COL24A1: variants seen among roughly 807,000 people sequenced by gnomAD.
COL24A1 encodes collagen type XXIV alpha 1 chain, also known as collagen alpha-1(XXIV) chain.
COL24A1 carries 224 observed loss-of-function variants against 253.9 expected under a neutral mutation model. That is an observed-to-expected ratio of 0.88 (90% CI 0.79 to 0.99). COL24A1 has a LOEUF of 0.99. Among genes scored for constraint, COL24A1 ranks in the 50% least tolerant of loss-of-function variants. The pLI, the probability that COL24A1 is intolerant of heterozygous loss-of-function variation, is 0.00. For missense variants in COL24A1, 2,131 were observed against 2,068.5 expected (o/e 1.03, Z -0.59); for synonymous variants, 685 against 673.7 (o/e 1.02, Z -0.26).
intron 14 of COL24A1, among the ~76,000 whole-genome samples, chr1:86,027,114 A>C (rs1284489644): frequency 1.3e-5 from 2 of 152,190 alleles, no homozygotes; most frequent in Non-Finnish European, 2.9e-5. Flanking sequence ...ATTCAGTTTT[A>C]TGCATTCACA....
intron 55 of COL24A1, among the ~76,000 whole-genome samples, chr1:85,760,967 T>A (rs1666790271): frequency 6.6e-6 from 1 of 152,144 alleles, no homozygotes; most frequent in Admixed American, 6.5e-5. Flanking sequence ...GTCTGATGGC[T>A]TCCAGAGTTA....
chr1:85,883,183 A>T (rs1231175416), intron 32 of COL24A1, among the ~76,000 whole-genome samples: 7 of 144,628 alleles, frequency 4.8e-5, no homozygotes, highest in African/African-American at 1.8e-4. Context: ...CTTCTTTTTA[A>T]TGTTTTTGGC....
At chr1:86,088,250 C>T (rs933670524) in intron 7 of COL24A1, among the ~76,000 whole-genome samples, 1 of 152,110 alleles carries the variant, frequency 6.6e-6, no homozygotes, top group Admixed American at 6.6e-5. Context: ...GGGGTTTGAA[C>T]GAAGCAACCA....
intron 25 of COL24A1, 111 bp from the exon 26 acceptor site, chr1:85,910,114 C>G: frequency 3.1e-6 from 2 of 641,596 alleles, no homozygotes; most frequent in Admixed American, 6.1e-5. Flanking sequence ...TACATGCATA[C>G]ATCATTTTTA....
At chr1:85,965,257 G>C (rs998818216) in intron 22 of COL24A1, among the ~76,000 whole-genome samples, 195 bp from the exon 23 acceptor site, 2 of 151,840 alleles carry the variant, frequency 1.3e-5, no homozygotes, top group Non-Finnish European at 2.9e-5. Flanking sequence ...TGCCATGAAC[G>C]GTTCTAGATG....
At chr1:85,863,256 C>A (rs1431704907) in intron 37 of COL24A1, among the ~76,000 whole-genome samples, 3 of 152,118 alleles carry the variant, frequency 2.0e-5, no homozygotes, top group Non-Finnish European at 4.4e-5. Context: ...ATCATGTCAT[C>A]CACAAACAGG....
At chr1:85,912,100 A>G (rs1277031760) in intron 24 of COL24A1, among the ~76,000 whole-genome samples, 1 of 152,216 alleles carries the variant, frequency 6.6e-6, no homozygotes, top group Non-Finnish European at 1.5e-5. Context: ...ACAGATGGTC[A>G]GGGAAGACTG....
In COL24A1 at chr1:86,156,677, C is replaced by T. The variant is rs1653672244; in HGVS notation, c.-281G>A. 3.4e-6 allele frequency: 1 copy of T among 297,778 alleles called. No homozygotes were observed. Among genetic ancestry groups the T allele is most frequent in the Middle Eastern group, 9.3e-4 (1 of 1,078 alleles). 18.4% of individuals were successfully genotyped at this position (297,778 alleles called of 1,614,324 possible). A position where few individuals can be genotyped will look rare whatever the true frequency, so the allele number is the denominator to read the frequency against. On this transcript the variant is annotated 5_prime_UTR_variant, in exon 1 of 60. The change creates a new upstream start codon in the 5' untranslated region. Transcript: ENST00000370571. ...AGGGCGGGCGAGGAGGTAAACCTCACTGGGAGGCCTCGGGGCGCCGGCGGC... is the reference window on the plus strand; with the variant it reads ...AGGGCGGGCGAGGAGGTAAACCTCATTGGGAGGCCTCGGGGCGCCGGCGGC...
At chr1:85,809,241 C>T (rs997236702) in intron 47 of COL24A1, among the ~76,000 whole-genome samples, 2 of 152,130 alleles carry the variant, frequency 1.3e-5, no homozygotes, top group African/African-American at 4.8e-5. Context: ...AGAAACTAAA[C>T]CTACATGTTA....
intron 19 of COL24A1, among the ~76,000 whole-genome samples, chr1:85,990,665 A>T (rs1381827931): frequency 6.6e-6 from 1 of 152,250 alleles, no homozygotes. Flanking sequence ...TATCAAAAGT[A>T]GAGTCATATT....
chr1:85,924,970 A>G (rs537885210), intron 24 of COL24A1, among the ~76,000 whole-genome samples: 2 of 152,374 alleles, frequency 1.3e-5, no homozygotes, highest in Non-Finnish European at 2.9e-5. Flanking sequence ...CAACTTCAGC[A>G]AAGTCTTAGG....
chr1:85,891,266 G>T (rs956582246), intron 31 of COL24A1, among the ~76,000 whole-genome samples: 3 of 142,844 alleles, frequency 2.1e-5, no homozygotes, highest in Non-Finnish European at 4.5e-5. Flanking sequence ...GAGTTTCACC[G>T]TGTTAACCAG....
intron 24 of COL24A1, among the ~76,000 whole-genome samples, chr1:85,913,068 G>A (rs1685529466): frequency 6.6e-6 from 1 of 151,992 alleles, no homozygotes; most frequent in African/African-American, 2.4e-5. Context: ...TATACTTTTA[G>A]GCACTATGCT....
intron 52 of COL24A1, among the ~76,000 whole-genome samples, chr1:85,776,577 T>C (rs1668566452): frequency 6.6e-6 from 1 of 152,022 alleles, no homozygotes; most frequent in Non-Finnish European, 1.5e-5. Flanking sequence ...CATGTCAATA[T>C]ACATTCTTTT....
At chr1:86,113,961 TG>T (rs1705875386) in intron 4 of COL24A1, among the ~76,000 whole-genome samples, 1 of 151,452 alleles carries the variant, frequency 6.6e-6, no homozygotes, top group Non-Finnish European at 1.5e-5. Flanking sequence ...TGGGGATTAA[TG>T]AATAAGTTGC....
At chr1:85,830,772 T>C (rs1159953254) in intron 43 of COL24A1, among the ~76,000 whole-genome samples, 2 of 152,172 alleles carry the variant, frequency 1.3e-5, no homozygotes, top group South Asian at 2.1e-4. Flanking sequence ...TGCCTTGCCC[T>C]GCTTCGGCTC....
At chr1:85,885,015 C>T (rs1009572995) in intron 32 of COL24A1, among the ~76,000 whole-genome samples, 33 of 152,146 alleles carry the variant, frequency 2.2e-4, no homozygotes, top group African/African-American at 7.7e-4. Context: ...CCTACTGTCC[C>T]GGTGTGGGCT....
intron 20 of COL24A1, among the ~76,000 whole-genome samples, chr1:85,975,614 G>A (rs1692596533): frequency 6.6e-6 from 1 of 152,156 alleles, no homozygotes; most frequent in African/African-American, 2.4e-5. Context: ...GCAGAGGTTG[G>A]GAATGGTAGT....
chr1:85,818,504 C>T (rs1364561323), intron 45 of COL24A1, among the ~76,000 whole-genome samples: 1 of 152,190 alleles, frequency 6.6e-6, no homozygotes, highest in African/African-American at 2.4e-5. Context: ...TTCCTCCTTA[C>T]AAGGCACTTA....
Sources: allele counts gnomAD v4.1 joint callset (sites outside exome capture counted in the v4.1 genomes callset), GRCh38; gene constraint gnomAD v4.1.1; transcripts MANE v1.5; gene names NCBI Gene and HGNC (gene_info 2026-07-23, HGNC 2026-07-21).